Variants in MAPRE2 observed in about 807,000 individuals in gnomAD.
MAPRE2 encodes the protein microtubule-associated protein RP/EB family member 2.
In MAPRE2, 13 loss-of-function variants were observed where a neutral mutation model predicts 43.2. The ratio of observed to expected loss-of-function variants is 0.30; its 90% CI spans 0.20 to 0.48. The LOEUF (loss-of-function observed/expected upper bound fraction) is 0.48, where lower values mean the gene tolerates loss of function less well. MAPRE2 is among the 20% of genes least tolerant of loss of function. MAPRE2 has a pLI of 0.99. For synonymous variants in MAPRE2, 135 were observed against 148.8 expected (o/e 0.91, Z 0.68); for missense variants, 161 against 400.2 (o/e 0.40, Z 5.10).
At chr18:35,008,140 C>T (rs578238784) in intron 2 of MAPRE2, among the ~76,000 whole-genome samples, 1 of 152,086 alleles carries the variant, frequency 6.6e-6, no homozygotes, top group Non-Finnish European at 1.5e-5. Context: ...AAATCTGTTC[C>T]TGCACCACAC....
chr18:35,030,019 G>A (rs1482386585), intron 2 of MAPRE2, among the ~76,000 whole-genome samples: 1 of 152,196 alleles, frequency 6.6e-6, no homozygotes, highest in African/African-American at 2.4e-5. Context: ...GCTAGCTGAC[G>A]CTTACTGAGA....
chr18:35,049,260 TC>T (rs1905811242), intron 1 of MAPRE2, among the ~76,000 whole-genome samples: 2 of 152,268 alleles, frequency 1.3e-5, no homozygotes, highest in South Asian at 2.1e-4. Flanking sequence ...TGAGAGGTCT[TC>T]ATTTGGTGCT....
chr18:34,989,191 A>G (rs2150573788), intron 1 of MAPRE2, among the ~76,000 whole-genome samples: 1 of 152,334 alleles, frequency 6.6e-6, no homozygotes, highest in Middle Eastern at 3.4e-3. Context: ...TCATGCAACT[A>G]TTACAAAAAC....
intron 2 of MAPRE2, among the ~76,000 whole-genome samples, chr18:35,019,292 T>C (rs1021081803): frequency 2.0e-5 from 3 of 152,018 alleles, no homozygotes; most frequent in African/African-American, 7.2e-5. Flanking sequence ...ATGAGAAGAA[T>C]GTATATTCTG....
chr18:35,012,917 A>G (rs2097035684), intron 2 of MAPRE2, among the ~76,000 whole-genome samples: 1 of 152,214 alleles, frequency 6.6e-6, no homozygotes, highest in South Asian at 2.1e-4. Flanking sequence ...TATGCATTTT[A>G]CTACAATGTG....
At chr18:35,119,638 A>G (rs1380528518) in intron 4 of MAPRE2, among the ~76,000 whole-genome samples, 1 of 152,204 alleles carries the variant, frequency 6.6e-6, no homozygotes, top group Non-Finnish European at 1.5e-5. Flanking sequence ...AGTGCATGGA[A>G]TGGAAGGAAC....
At chr18:34,996,865 G>A (rs1253490410) in intron 1 of MAPRE2, among the ~76,000 whole-genome samples, 5 of 152,102 alleles carry the variant, frequency 3.3e-5, no homozygotes, top group African/African-American at 7.2e-5. Context: ...ATAAGAAAAC[G>A]GTAGAATAGA....
chr18:35,123,934 AC>A (rs1445195627), intron 4 of MAPRE2, among the ~76,000 whole-genome samples: 1 of 152,220 alleles, frequency 6.6e-6, no homozygotes, highest in Non-Finnish European at 1.5e-5. Context: ...CTGTACCACA[AC>A]AGTGGAAAGT....
At chr18:35,075,668 C>A (rs1174208277) in intron 2 of MAPRE2, among the ~76,000 whole-genome samples, 1 of 151,510 alleles carries the variant, frequency 6.6e-6, no homozygotes, top group Non-Finnish European at 1.5e-5. Flanking sequence ...TTTTTGCTGA[C>A]AGTTTTTTTC....
intron 2 of MAPRE2, among the ~76,000 whole-genome samples, chr18:35,079,795 T>C (rs1404569041): frequency 6.6e-6 from 1 of 152,100 alleles, no homozygotes; most frequent in African/African-American, 2.4e-5. Flanking sequence ...GTAGAGGAGG[T>C]GATGTTTTGA....
At chr18:35,093,623 G>T (rs1413996946) in intron 2 of MAPRE2, among the ~76,000 whole-genome samples, 1 of 152,182 alleles carries the variant, frequency 6.6e-6, no homozygotes, top group Non-Finnish European at 1.5e-5. Flanking sequence ...TGGCCACATG[G>T]ATGAACGTGG....
chr18:35,041,310 A>G (rs1167158760), upstream of MAPRE2: 3 of 1,416,390 alleles, frequency 2.1e-6, no homozygotes, highest in South Asian at 1.5e-5. Context: ...GCGGGTTGCC[A>G]TGGCAACAGG....
intron 1 of MAPRE2, among the ~76,000 whole-genome samples, chr18:35,048,264 A>C (rs1292753007): frequency 1.3e-5 from 2 of 152,172 alleles, no homozygotes; most frequent in South Asian, 2.1e-4. Flanking sequence ...TCATGAGGAC[A>C]GCATCGAGCT....
chr18:35,003,897 C>A (rs1459123194), intron 1 of MAPRE2, among the ~76,000 whole-genome samples: 1 of 152,166 alleles, frequency 6.6e-6, no homozygotes, highest in East Asian at 1.9e-4. Flanking sequence ...AAATTAAATT[C>A]TGCTGCAAAA....
At chr18:35,005,363 C>T (rs1291619490) in intron 1 of MAPRE2, 2 of 525,564 alleles carry the variant, frequency 3.8e-6, no homozygotes, top group South Asian at 3.3e-5. Flanking sequence ...GGATATTTGG[C>T]GTGTATTTTT....
At chr18:35,066,556 G>A (rs897204831) in intron 1 of MAPRE2, among the ~76,000 whole-genome samples, 1 of 152,202 alleles carries the variant, frequency 6.6e-6, no homozygotes, top group Non-Finnish European at 1.5e-5. Flanking sequence ...ATATATAAAT[G>A]TTCTGTGAAT....
intron 2 of MAPRE2, among the ~76,000 whole-genome samples, chr18:35,009,931 G>T (rs866052707): frequency 6.6e-6 from 1 of 152,074 alleles, no homozygotes; most frequent in Non-Finnish European, 1.5e-5. Flanking sequence ...GATTCTTCTT[G>T]TTCTATGGTC....
At chr18:35,062,505 G>A (rs1022576040) in intron 1 of MAPRE2, among the ~76,000 whole-genome samples, 9 of 152,210 alleles carry the variant, frequency 5.9e-5, no homozygotes, top group African/African-American at 2.2e-4. Context: ...CACTTTACCT[G>A]CTATGCTGGA....
At chr18:34,998,766 G>A (rs1429282174) in intron 1 of MAPRE2, among the ~76,000 whole-genome samples, 1 of 117,810 alleles carries the variant, frequency 8.5e-6, no homozygotes, top group Non-Finnish European at 1.7e-5. Flanking sequence ...CCTGGCCGAA[G>A]TTGCAATTTT....
Sources: allele counts gnomAD v4.1 joint callset (sites outside exome capture counted in the v4.1 genomes callset), GRCh38; gene constraint gnomAD v4.1.1; transcripts MANE v1.5; gene names NCBI Gene and HGNC (gene_info 2026-07-23, HGNC 2026-07-21).